MAP3K11: variants seen among roughly 807,000 people sequenced by gnomAD.
MAP3K11 encodes mitogen-activated protein kinase kinase kinase 11.
A neutral mutation model predicts 84.9 loss-of-function variants in MAP3K11; 46 were observed. The ratio of observed to expected loss-of-function variants is 0.54; its 90% confidence interval spans 0.43 to 0.69. MAP3K11 has a LOEUF of 0.69. Ranked by LOEUF, MAP3K11 falls within the 30% of genes least tolerant of loss-of-function variation. The pLI, the probability that MAP3K11 is intolerant of heterozygous loss-of-function variation, is 0.00. For synonymous variants in MAP3K11, 527 were observed against 514.7 expected (o/e 1.02, Z -0.32); for missense variants, 1,053 against 1,198.3 (o/e 0.88, Z 1.79).
In MAP3K11 at chr11:65,614,103, C is replaced by T. The variant is rs1472618478; in HGVS notation, c.-347G>A. 1.9e-5 allele frequency: 5 copies of T among 262,242 alleles called. No individual in the cohort carries two copies. Among genetic ancestry groups the T allele is most frequent in the Non-Finnish European group, 2.9e-5 (4 of 136,024 alleles). The allele number at this position is 262,242 out of a possible 1,614,324, so 16.2% of individuals were successfully genotyped here. A position where few individuals can be genotyped will look rare whatever the true frequency, so the allele number is the denominator to read the frequency against. Reference sequence around the variant, plus strand: ...CCCGCCAAGTGTAAGGTGGGGCCTTCAGGGGCAGCGCCTCAACTCCGGTTG... The same window carrying T: ...CCCGCCAAGTGTAAGGTGGGGCCTTTAGGGGCAGCGCCTCAACTCCGGTTG... On this transcript the variant is annotated 5_prime_UTR_variant, in exon 1 of 10. Transcript: ENST00000309100.
At chr11:65,612,488 C>T (rs1697357303) in intron 1 of MAP3K11, 1 of 152,836 alleles carries the variant, frequency 6.5e-6, no homozygotes, top group South Asian at 2.1e-4. Flanking sequence ...GAAATTGAGG[C>T]TCCGAGTTGG....
chr11:65,598,818 C>T (rs1421379967), intron 9 of MAP3K11, among the ~76,000 whole-genome samples, 190 bp from the exon 10 acceptor site: 1 of 152,200 alleles, frequency 6.6e-6, no homozygotes, highest in Non-Finnish European at 1.5e-5. Flanking sequence ...CTGCAGCAGG[C>T]TGGCCTGGAT....
intron 2 of MAP3K11, 43 bp downstream of exon 2, chr11:65,608,225 T>C (rs749071112): frequency 6.2e-7 from 1 of 1,602,308 alleles, no homozygotes; most frequent in East Asian, 2.2e-5. Flanking sequence ...CTCTGCCCTC[T>C]GCAGCCCCGT....
rs1464449119 is a variant in MAP3K11 at position 65,613,337 on chromosome 11, C to A, written c.420G>T (p.Leu140=). The change falls in exon 1 of 10, where the codon CTG becomes CTT. Residue 140 remains leucine, a synonymous_variant. Coordinates refer to ENST00000309100, the MANE Select transcript of MAP3K11 (RefSeq NM_002419.4). ...CCTGGCGAGCTGCCTTCACAGCCACCAGCTCACCTCGCCAGCTGCCCCTGT... is the reference window on the plus strand; with the variant it reads ...CCTGGCGAGCTGCCTTCACAGCCACAAGCTCACCTCGCCAGCTGCCCCTGT... ...KVYRGSWRGE[L]VAVKAARQDP... 6.2e-7 allele frequency: 1 copy of A among 1,613,034 alleles called. No homozygotes were observed. The highest frequency in any genetic ancestry group is 1.3e-5 in the African/African-American group (1 of 74,934).
chr11:65,598,548 G>A lies in MAP3K11; in HGVS notation c.2287C>T (p.Leu763Phe), dbSNP rs756551018. The A allele has an allele frequency of 6.2e-7, 1 of 1,610,310 alleles. No individual in the cohort carries two copies. The highest frequency in any genetic ancestry group is 1.1e-5 in the South Asian group (1 of 90,624). The change falls in exon 10 of 10, where the codon CTC becomes TTC. Residue 763 changes from leucine to phenylalanine, a missense_variant. Physicochemically the swap from Leu to Phe is conservative, Grantham distance 22 (BLOSUM62 0). Around this residue, in one of 3 missense-constraint regions of MAP3K11, gnomAD observed 583 missense variants for 566.6 expected, o/e 1.03. Transcript: ENST00000309100. Reference protein sequence around the residue: ...PGTPRSPPLGLISRPRPSPLR... With the variant: ...PGTPRSPPLGFISRPRPSPLR... ...GGCGAGGGCCGAGGTCGGCTGATGA[G>A]GCCCAGGGGTGGTGAACGTGGGGTG...
chr11:65,606,637 CAG>C (rs1590856419), intron 6 of MAP3K11, 52 bp downstream of exon 6: 1 of 1,330,672 alleles, frequency 7.5e-7, no homozygotes. Context: ...TAAGGTCTGA[CAG>C]AGAATAAGGA....
In MAP3K11 at chr11:65,607,683, G is replaced by A; in HGVS notation, c.1203C>T (p.Arg401=). The A allele has an allele frequency of 6.2e-7, 1 of 1,613,082 alleles. No homozygotes were observed. Among genetic ancestry groups the A allele is most frequent in the Non-Finnish European group, 8.5e-7 (1 of 1,179,318 alleles). Residue 401 remains arginine, a synonymous_variant, in exon 4 of 10, where the codon CGC becomes CGT. Coordinates refer to ENST00000309100, the MANE Select transcript of MAP3K11 (RefSeq NM_002419.4). ...SFHSMQEGWK[R]EIQGLFDELR... ...GCTCGTCGAAGAGACCCTGGATCTCGCGCTTCCAGCCTTCCTGCATGGAAT... is the reference window on the plus strand; with the variant it reads ...GCTCGTCGAAGAGACCCTGGATCTCACGCTTCCAGCCTTCCTGCATGGAAT...
intron 8 of MAP3K11, among the ~76,000 whole-genome samples, chr11:65,601,129 C>T (rs1854451009): frequency 6.6e-6 from 1 of 152,212 alleles, no homozygotes; most frequent in African/African-American, 2.4e-5. Flanking sequence ...CTGTCCGCAG[C>T]CCCAGTCCTG....
chr11:65,604,481 G>A (rs1444816341), intron 8 of MAP3K11, among the ~76,000 whole-genome samples: 2 of 152,260 alleles, frequency 1.3e-5, no homozygotes, highest in Non-Finnish European at 2.9e-5. Flanking sequence ...AAATGGCGGG[G>A]CAGATGGAGG....
intron 1 of MAP3K11, 182 bp from the exon 2 acceptor site, chr11:65,608,630 T>G: frequency 1.7e-6 from 1 of 591,044 alleles, no homozygotes; most frequent in South Asian, 2.1e-5. Flanking sequence ...TTTTTTTTTT[T>G]TCTTAAGATA....
chr11:65,613,813 C>G lies in MAP3K11; in HGVS notation c.-57G>C. On this transcript the variant is annotated 5_prime_UTR_variant, in exon 1 of 10. Transcript: ENST00000309100. ...ACCTTCTCTGGGTGCCCGTGGTCCCCACCCCCGCTGGCTGCCAAGGCCCTA... is the reference window on the plus strand; with the variant it reads ...ACCTTCTCTGGGTGCCCGTGGTCCCGACCCCCGCTGGCTGCCAAGGCCCTA... The G allele has an allele frequency of 1.4e-6, 2 of 1,466,016 alleles. No homozygotes were observed. The highest frequency in any genetic ancestry group is 1.8e-6 in the Non-Finnish European group (2 of 1,112,806). The allele number at this position is 1,466,016 out of a possible 1,614,324, so 90.8% of individuals were successfully genotyped here. A position where few individuals can be genotyped will look rare whatever the true frequency, so the allele number is the denominator to read the frequency against.
At chr11:65,603,353 G>A (rs1419595519) in intron 8 of MAP3K11, among the ~76,000 whole-genome samples, 1 of 152,274 alleles carries the variant, frequency 6.6e-6, no homozygotes, top group East Asian at 1.9e-4. Context: ...GATAGATAGA[G>A]GCGAAACTGC....
chr11:65,607,516 G>A lies in MAP3K11; in HGVS notation c.1246-3C>T. 1.3e-6 allele frequency: 2 copies of A among 1,564,378 alleles called. No individual in the cohort carries two copies. The highest frequency in any genetic ancestry group is 1.7e-6 in the Non-Finnish European group (2 of 1,162,440). ...TCCTCCTCGCGGCTCAGTAGTTCCT[G>A]CGCCCGAGACAGCGATGGTGGAGAG... is the stretch of plus-strand genomic sequence containing the variant. On this transcript the variant is annotated splice_polypyrimidine_tract_variant and splice_region_variant and intron_variant, in intron 4 of 9. Transcript: ENST00000309100.
chr11:65,613,750 G>T lies in MAP3K11; in HGVS notation c.7C>A (p.Pro3Thr), dbSNP rs760075378. 2.6e-6 allele frequency: 4 copies of T among 1,552,124 alleles called. No homozygotes were observed. Among genetic ancestry groups the T allele is most frequent in the East Asian group, 2.3e-5 (1 of 44,244 alleles). Residue 3 changes from proline to threonine, a missense_variant, in exon 1 of 10, where the codon CCC (proline) becomes ACC (threonine). Pro to Thr is a conservative substitution (Grantham distance 38). Transcript: ENST00000309100. ME[P>T]LKSLFLKSPL... ...CTCTTGAGGAAGAGGCTCTTCAAGG[G>T]CTCCATGGCCGGGAGCCGGCGCTGG... is the stretch of plus-strand genomic sequence containing the variant.
chr11:65,608,329 C>G lies in MAP3K11; in HGVS notation c.859G>C (p.Ala287Pro). 1 of 1,614,220 alleles carries G rather than the reference C, an allele frequency of 6.2e-7. No individual in the cohort carries two copies. ...TTQMSAAGTY[A>P]WMAPEVIKAS... ...TTGATAACCTCAGGAGCCATCCAGG[C>G]GTAGGTGCCCGCGGCACTCATTTGT... Residue 287 changes from alanine to proline, a missense_variant, in exon 2 of 10, where the codon GCC becomes CCC. Transcript: ENST00000309100.
intron 8 of MAP3K11, among the ~76,000 whole-genome samples, chr11:65,604,196 C>A (rs116621217): frequency 6.6e-6 from 1 of 152,220 alleles, no homozygotes; most frequent in Non-Finnish European, 1.5e-5. Context: ...TTAACAAATT[C>A]TTTGGATAAA....
At position 65,605,839 on chromosome 11, in the gene MAP3K11, T is replaced by C. The variant is rs1415227854; in HGVS notation, c.1753A>G (p.Met585Val). The change falls in exon 8 of 10, where the codon ATG (methionine) becomes GTG (valine). Residue 585 changes from methionine (M) to valine (V), a missense_variant. This residue lies in a region of MAP3K11 where 583 missense variants were observed against 566.6 expected (regional missense o/e 1.03). Coordinates refer to ENST00000309100, the MANE Select transcript of MAP3K11 (RefSeq NM_002419.4). ...TCCAGGTACCATGTGGCTTCGTCCA[T>C]GCGGGACCTTCTCCTGGTGATGGGA... is the stretch of plus-strand genomic sequence containing the variant. ...EAQNGRRRSR[M>V]DEATWYLDSD... 3.7e-6 allele frequency: 6 copies of C among 1,613,338 alleles called. No homozygotes were observed. Among genetic ancestry groups the C allele is most frequent in the Non-Finnish European group, 5.1e-6 (6 of 1,179,642 alleles).
At chr11:65,598,853 TAGCTGTGGG>T (rs1854416138) in intron 9 of MAP3K11, among the ~76,000 whole-genome samples, 1 of 152,194 alleles carries the variant, frequency 6.6e-6, no homozygotes, top group Admixed American at 6.5e-5. Flanking sequence ...TGCCACTTAC[TAGCTGTGGG>T]AGCTGTGGGT....
chr11:65,607,923 G>A lies in MAP3K11; in HGVS notation c.1068C>T (p.Ala356=). Residue 356 remains alanine (A), a splice_region_variant and synonymous_variant, in exon 3 of 10, where the codon GCC becomes GCT. Transcript: ENST00000309100. Reference sequence around the variant, plus strand: ...CACCTGCCCTCCCCGTCCTCTTACCGGCCATAAGCTGTGCGAAGGGCTCGG... The same window carrying A: ...CACCTGCCCTCCCCGTCCTCTTACCAGCCATAAGCTGTGCGAAGGGCTCGG... ...TCPEPFAQLM[A]DCWAQDPHRR... is the part of the protein sequence containing the mutation. 1 of 1,613,588 alleles carries A rather than the reference G, an allele frequency of 6.2e-7. No individual in the cohort carries two copies. The highest frequency in any genetic ancestry group is 1.1e-5 in the South Asian group (1 of 91,032).
Sources: gnomAD v4.1 joint callset for allele counts (sites outside exome capture counted in the v4.1 genomes callset) on GRCh38, gnomAD v4.1.1 for gene constraint, gnomAD v4.1.1 regional missense constraint, MANE v1.5 for transcripts, NCBI Gene and HGNC (gene_info 2026-07-23, HGNC 2026-07-21) for gene names.